Variants in RTN1 observed in about 807,000 individuals in gnomAD.
RTN1 encodes the protein reticulon-1.
A neutral mutation model predicts 65.5 loss-of-function variants in RTN1; 25 were observed. That is an observed-to-expected ratio of 0.38 (90% CI 0.28 to 0.53). RTN1 has a LOEUF of 0.53. Among genes scored for constraint, RTN1 ranks in the 20% least tolerant of loss-of-function variants. RTN1 has a pLI of 0.79. For synonymous variants in RTN1, 471 were observed against 447.6 expected, an observed-to-expected ratio of 1.05 and a Z score of -0.66; for missense variants, 983 against 1,025.4, an observed-to-expected ratio of 0.96 and a Z score of 0.57.
intron 1 of RTN1, among the ~76,000 whole-genome samples, chr14:59,762,273 A>G (rs1885764339): frequency 6.6e-6 from 1 of 152,224 alleles, no homozygotes; most frequent in Non-Finnish European, 1.5e-5. Flanking sequence ...TTAATAAGTC[A>G]TTAAACTTAT....
At chr14:59,838,852 T>G (rs1042450979) in intron 1 of RTN1, among the ~76,000 whole-genome samples, 1 of 152,140 alleles carries the variant, frequency 6.6e-6, no homozygotes, top group African/African-American at 2.4e-5. Context: ...AAGATTAAGA[T>G]CATTGAAATA....
At chr14:59,635,380 A>G (rs2077826077) in intron 3 of RTN1, among the ~76,000 whole-genome samples, 1 of 152,250 alleles carries the variant, frequency 6.6e-6, no homozygotes, top group South Asian at 2.1e-4. Context: ...AAAATCTACC[A>G]AAGGTGACAC....
chr14:59,763,178 GTTA>G (rs761393230), intron 1 of RTN1, among the ~76,000 whole-genome samples: 1 of 152,276 alleles, frequency 6.6e-6, no homozygotes, highest in East Asian at 1.9e-4. Flanking sequence ...GAGTATAAAA[GTTA>G]TTATACTGAG....
rs1887835505 is a variant in RTN1 at position 59,868,470 on chromosome 14, A to ATTTTTATTTTTT, written c.241+1919_241+1920insAAAAAATAAAAA. ...ATAATAATAATACTAAAAATGCAAA[A>ATTTTTATTTTTT]TGCATTGTTATTTACTACAGCCACC... On this transcript the variant is annotated intron_variant, in intron 1 of 8. Coordinates refer to ENST00000267484, the MANE Select transcript of RTN1 (RefSeq NM_021136.3). This position sits in a 1 kb window ranked among gnomAD's most constrained non-coding sequence, Gnocchi z 4.0. Among the ~76,000 whole-genome samples, 1 of 152,216 alleles carries ATTTTTATTTTTT rather than the reference A, an allele frequency of 6.6e-6. No individual in the cohort carries two copies. The highest frequency in any genetic ancestry group is 6.5e-5 in the Admixed American group (1 of 15,288).
At chr14:59,818,385 C>A (rs776313630) in intron 1 of RTN1, among the ~76,000 whole-genome samples, 20 of 152,178 alleles carry the variant, frequency 1.3e-4, no homozygotes, top group Non-Finnish European at 2.9e-4. Flanking sequence ...AGGCAAACTG[C>A]CTGCCTTCTC....
At chr14:59,619,219 C>A (rs919299601) in intron 3 of RTN1, among the ~76,000 whole-genome samples, 5 of 152,178 alleles carry the variant, frequency 3.3e-5, no homozygotes, top group African/African-American at 9.6e-5. Context: ...AGCTGGGTGA[C>A]TGAGTAATTA....
chr14:59,769,494 C>A (rs148721835), intron 1 of RTN1, among the ~76,000 whole-genome samples: 1 of 152,120 alleles, frequency 6.6e-6, no homozygotes, highest in African/African-American at 2.4e-5. Context: ...CAGAATAAAT[C>A]CTGAGAACTA....
At chr14:59,796,709 C>T (rs887086251) in intron 1 of RTN1, among the ~76,000 whole-genome samples, 3 of 152,156 alleles carry the variant, frequency 2.0e-5, no homozygotes, top group African/African-American at 7.2e-5. Context: ...TCAGATTTCA[C>T]CTCTATTGTG....
At chr14:59,627,097 T>C (rs1882420028) in intron 3 of RTN1, among the ~76,000 whole-genome samples, 1 of 152,204 alleles carries the variant, frequency 6.6e-6, no homozygotes, top group African/African-American at 2.4e-5. Context: ...CAAAAAACCT[T>C]GGGCAAGTCA....
At chr14:59,850,602 C>T (rs946200754) in intron 1 of RTN1, among the ~76,000 whole-genome samples, 6 of 152,202 alleles carry the variant, frequency 3.9e-5, no homozygotes, top group African/African-American at 1.4e-4. Flanking sequence ...AGAGATATGG[C>T]TTTGGCCTTG....
intron 1 of RTN1, among the ~76,000 whole-genome samples, chr14:59,771,827 A>G (rs1885964616): frequency 6.6e-6 from 1 of 152,234 alleles, no homozygotes; most frequent in African/African-American, 2.4e-5. Context: ...ATGAGACAGC[A>G]TTCCCAGAAG....
intron 3 of RTN1, among the ~76,000 whole-genome samples, chr14:59,697,076 G>T (rs2139444111): frequency 6.6e-6 from 1 of 152,186 alleles, no homozygotes; most frequent in East Asian, 1.9e-4. Flanking sequence ...CTTCAGGGAA[G>T]AACTATCAGG....
At chr14:59,642,771 G>A (rs1004725542) in intron 3 of RTN1, among the ~76,000 whole-genome samples, 1 of 152,018 alleles carries the variant, frequency 6.6e-6, no homozygotes, top group Non-Finnish European at 1.5e-5. Flanking sequence ...TCCAATATCT[G>A]GATCATCTAT....
At chr14:59,622,555 G>A (rs1882284902) in intron 3 of RTN1, among the ~76,000 whole-genome samples, 1 of 152,172 alleles carries the variant, frequency 6.6e-6, no homozygotes, top group South Asian at 2.1e-4. Context: ...CCAACCCAGT[G>A]TCCAAAGAGG....
intron 3 of RTN1, among the ~76,000 whole-genome samples, chr14:59,618,334 A>T (rs1359902827): frequency 6.6e-6 from 1 of 152,174 alleles, no homozygotes; most frequent in Admixed American, 6.5e-5. Flanking sequence ...CAGACCCTGC[A>T]CTTGATGGAT....
At chr14:59,607,237 T>C in intron 4 of RTN1, 48 bp downstream of exon 4, 1 of 1,551,358 alleles carries the variant, frequency 6.4e-7, no homozygotes, top group Non-Finnish European at 8.9e-7. Context: ...CAGGTGAGGG[T>C]AAAAGCCCCT....
At chr14:59,866,516 T>C (rs1002708264) in intron 1 of RTN1, among the ~76,000 whole-genome samples, 2 of 148,600 alleles carry the variant, frequency 1.3e-5, no homozygotes, top group Admixed American at 6.8e-5. Context: ...TATTTATCAA[T>C]GTATTTTAAA....
chr14:59,618,815 A>C (rs1235772983), intron 3 of RTN1, among the ~76,000 whole-genome samples: 1 of 152,244 alleles, frequency 6.6e-6, no homozygotes, highest in African/African-American at 2.4e-5. Flanking sequence ...ATTTAAAGAG[A>C]AATTTCTTTG....
chr14:59,730,581 G>A (rs1400078916), intron 2 of RTN1, among the ~76,000 whole-genome samples: 1 of 152,162 alleles, frequency 6.6e-6, no homozygotes, highest in East Asian at 1.9e-4. Context: ...AACAGAACAG[G>A]AGAAAATATT....
Sources: gnomAD v4.1 joint callset for allele counts (sites outside exome capture counted in the v4.1 genomes callset) on GRCh38, gnomAD v4.1.1 for gene constraint, Gnocchi (gnomAD v3.1) non-coding constraint, MANE v1.5 for transcripts, NCBI Gene and HGNC (gene_info 2026-07-23, HGNC 2026-07-21) for gene names.